The following WIPF2 variants were observed in gnomAD, a reference collection of about 807,000 sequenced individuals.
WIPF2 encodes WAS/WASL interacting protein family member 2, also known as WAS/WASL-interacting protein family member 2.
A neutral mutation model predicts 38.8 loss-of-function variants in WIPF2; 23 were observed. The observed-to-expected ratio is 0.59, with a 90% CI of 0.43 to 0.84. WIPF2 has a LOEUF of 0.84. Ranked by LOEUF, WIPF2 falls within the 40% of genes least tolerant of loss-of-function variation. The pLI is 0.00. For missense variants in WIPF2, 574 were observed against 580.5 expected, an observed-to-expected ratio of 0.99 and a Z score of 0.11; for synonymous variants, 210 against 223.2, an observed-to-expected ratio of 0.94 and a Z score of 0.53.
chr17:40,266,632 T>C (rs1018037916), intron 5 of WIPF2, among the ~76,000 whole-genome samples: 10 of 152,010 alleles, frequency 6.6e-5, no homozygotes, highest in African/African-American at 1.9e-4. Context: ...GGGGTGAAGA[T>C]AAGTGAAGTG....
chr17:40,223,865 G>A (rs948508655), intron 1 of WIPF2, among the ~76,000 whole-genome samples: 2 of 151,960 alleles, frequency 1.3e-5, no homozygotes, highest in Non-Finnish European at 2.9e-5. Context: ...GATTACAGGC[G>A]TGAGCCACCG....
At chr17:40,266,133 G>A (rs1360758903) in intron 5 of WIPF2, among the ~76,000 whole-genome samples, 3 of 151,612 alleles carry the variant, frequency 2.0e-5, no homozygotes, top group Non-Finnish European at 4.4e-5. Flanking sequence ...AGAGGCCTAG[G>A]AGGCTGAGGC....
intron 1 of WIPF2, among the ~76,000 whole-genome samples, chr17:40,229,830 G>A (rs2030666509): frequency 6.6e-6 from 1 of 152,220 alleles, no homozygotes; most frequent in South Asian, 2.1e-4. Flanking sequence ...GTCAGAGAAG[G>A]TCTCTGAGGA....
At chr17:40,260,965 C>G in intron 3 of WIPF2, 1 of 387,544 alleles carries the variant, frequency 2.6e-6, no homozygotes, top group Non-Finnish European at 4.9e-6. Flanking sequence ...CTGCAGTGAG[C>G]TGTGATCATG....
chr17:40,282,799 G>A lies in WIPF2; in HGVS notation c.*4574G>A, dbSNP rs181240829. 6.6e-6 allele frequency: 1 copy of A among 152,168 alleles called. No individual in the cohort carries two copies. The highest frequency in any genetic ancestry group is 6.5e-5 in the Admixed American group (1 of 15,268). 9.4% of individuals were successfully genotyped at this position (152,168 alleles called of 1,614,324 possible). A position where few individuals can be genotyped will look rare whatever the true frequency, so the allele number is the denominator to read the frequency against. On this transcript the variant is annotated 3_prime_UTR_variant, in exon 8 of 8. Coordinates refer to ENST00000323571, the MANE Select transcript of WIPF2 (RefSeq NM_133264.5). ...GGTAAGTGTAGTGGTTTGATTCCAGGTCCCTTGAAAAAGTAGATCTACTGA... is the reference window on the plus strand; with the variant it reads ...GGTAAGTGTAGTGGTTTGATTCCAGATCCCTTGAAAAAGTAGATCTACTGA...
At chr17:40,270,935 A>G (rs925423059) in intron 5 of WIPF2, among the ~76,000 whole-genome samples, 5 of 151,610 alleles carry the variant, frequency 3.3e-5, no homozygotes, top group Non-Finnish European at 5.9e-5. Context: ...ATGCTTAACT[A>G]TAGTCACTAC....
At chr17:40,265,855 G>GGACAAAGGT (rs2032071500) in intron 5 of WIPF2, among the ~76,000 whole-genome samples, 1 of 152,146 alleles carries the variant, frequency 6.6e-6, no homozygotes, top group African/African-American at 2.4e-5. Flanking sequence ...GACCGCAGGA[G>GGACAAAGGT]GACAAAGGTG....
intron 1 of WIPF2, among the ~76,000 whole-genome samples, chr17:40,224,459 G>A (rs146028545): frequency 1.2e-4 from 18 of 147,012 alleles, no homozygotes; most frequent in Non-Finnish European, 2.1e-4. Context: ...TTGTTAGCGA[G>A]GATGTCTTGA....
intron 1 of WIPF2, among the ~76,000 whole-genome samples, chr17:40,244,988 A>G (rs970166183): frequency 1.3e-5 from 2 of 152,042 alleles, no homozygotes; most frequent in African/African-American, 2.4e-5. Context: ...GAAGCCTGCA[A>G]CCCTATCCAA....
chr17:40,262,718 G>A, intron 4 of WIPF2, 77 bp downstream of exon 4: 1 of 1,204,920 alleles, frequency 8.3e-7, no homozygotes, highest in Non-Finnish European at 1.2e-6. Flanking sequence ...ATCTCAGGTT[G>A]AGGAGTATGG....
In WIPF2 at chr17:40,264,472, T is replaced by C; in HGVS notation, c.314-18T>C. ...TCTGTCCAGCTCTGTTGACCCTGTGTTGTCTATGTATTTGTAGAGAACCTA... is the reference window on the plus strand; with the variant it reads ...TCTGTCCAGCTCTGTTGACCCTGTGCTGTCTATGTATTTGTAGAGAACCTA... On this transcript the variant is annotated intron_variant, in intron 4 of 7. Transcript: ENST00000323571. The C allele has an allele frequency of 6.2e-7, 1 of 1,613,736 alleles. No homozygotes were observed. Among genetic ancestry groups the C allele is most frequent in the Non-Finnish European group, 8.5e-7 (1 of 1,179,778 alleles).
intron 1 of WIPF2, among the ~76,000 whole-genome samples, chr17:40,237,332 C>G (rs559155525): frequency 6.6e-6 from 1 of 151,414 alleles, no homozygotes; most frequent in South Asian, 2.1e-4. Context: ...TCTCCGCCTC[C>G]TGGGTTCAAG....
intron 5 of WIPF2, among the ~76,000 whole-genome samples, chr17:40,272,022 CTTT>C (rs112586864): frequency 7.0e-6 from 1 of 142,220 alleles, no homozygotes; most frequent in Admixed American, 7.0e-5. Context: ...TGAACATTTT[CTTT>C]TTTTTTTTTT....
intron 1 of WIPF2, among the ~76,000 whole-genome samples, chr17:40,244,915 T>A (rs2145329890): frequency 6.6e-6 from 1 of 152,300 alleles, no homozygotes; most frequent in African/African-American, 2.4e-5. Context: ...TCCCTGTGAC[T>A]GTATTATTTT....
chr17:40,237,215 A>C (rs1194673659), intron 1 of WIPF2, among the ~76,000 whole-genome samples: 3 of 146,862 alleles, frequency 2.0e-5, no homozygotes, highest in African/African-American at 7.4e-5. Flanking sequence ...TTGGTACTCT[A>C]ATTTTTTTTT....
At chr17:40,255,675 C>T (rs1309553530) in intron 1 of WIPF2, among the ~76,000 whole-genome samples, 1 of 142,828 alleles carries the variant, frequency 7.0e-6, no homozygotes, top group Non-Finnish European at 1.5e-5. Context: ...GTCATCCAGG[C>T]TGGAGTGCAG....
chr17:40,278,059 A>C, intron 7 of WIPF2, 126 bp from the exon 8 acceptor site: 1 of 1,140,076 alleles, frequency 8.8e-7, no homozygotes, highest in South Asian at 1.5e-5. Context: ...AAACAATAAT[A>C]ACACGTAGTC....
At chr17:40,269,785 T>C (rs1333898582) in intron 5 of WIPF2, among the ~76,000 whole-genome samples, 1 of 150,250 alleles carries the variant, frequency 6.7e-6, no homozygotes, top group Non-Finnish European at 1.5e-5. Flanking sequence ...TTTTGTATCT[T>C]TAGTAGAGAT....
intron 1 of WIPF2, among the ~76,000 whole-genome samples, chr17:40,231,451 G>T (rs1192489806): frequency 6.8e-6 from 1 of 147,132 alleles, no homozygotes; most frequent in Non-Finnish European, 1.5e-5. Flanking sequence ...TTTTGAGACG[G>T]AGTCTTGCTC....
Sources: gnomAD v4.1 joint callset for allele counts (sites outside exome capture counted in the v4.1 genomes callset) on GRCh38, gnomAD v4.1.1 for gene constraint, MANE v1.5 for transcripts, NCBI Gene and HGNC (gene_info 2026-07-23, HGNC 2026-07-21) for gene names.